The following DTX4 variants were observed in gnomAD, a reference collection of about 807,000 sequenced individuals.
DTX4 encodes deltex E3 ubiquitin ligase 4, also known as E3 ubiquitin-protein ligase DTX4.
In DTX4, 28 loss-of-function variants were observed where a neutral mutation model predicts 57.6. That is an observed-to-expected ratio of 0.49 (90% CI 0.36 to 0.67). DTX4 has a LOEUF of 0.67. DTX4 is among the 30% of genes least tolerant of loss of function. DTX4 has a pLI of 0.00. For synonymous variants in DTX4, 316 were observed against 331.0 expected, an observed-to-expected ratio of 0.95 and a Z score of 0.49; for missense variants, 715 against 836.8, an observed-to-expected ratio of 0.85 and a Z score of 1.80.
chr11:59,195,100 T>G, intron 6 of DTX4, 108 bp from the exon 7 acceptor site: 1 of 1,104,392 alleles, frequency 9.1e-7, no homozygotes, highest in Non-Finnish European at 1.4e-6. Context: ...CTCACCAGGG[T>G]GCATTTTGTT....
At chr11:59,189,073 G>A in intron 3 of DTX4, 89 bp from the exon 4 acceptor site, 1 of 1,476,346 alleles carries the variant, frequency 6.8e-7, no homozygotes, top group South Asian at 1.2e-5. Context: ...CTGGAAAGGA[G>A]GAGAGTAGGT....
At chr11:59,185,508 A>G (rs188092924) in intron 2 of DTX4, among the ~76,000 whole-genome samples, 45 of 152,234 alleles carry the variant, frequency 3.0e-4, no homozygotes, top group Non-Finnish European at 2.9e-5. Flanking sequence ...GTTTTGGCTG[A>G]TGGAGTTGCC....
Position 59,204,759 on chromosome 11 carries a change from C to T in DTX4, c.1710C>T (p.Thr570=), listed in dbSNP as rs759715737. The change falls in exon 9 of 9, where the codon ACC becomes ACT. Residue 570 remains threonine (T), a synonymous_variant. Transcript: ENST00000227451. ...GTSSTTGESD[T]VIWNEVHHKT... is the part of the protein sequence containing the mutation. ...CCAGCACCACAGGCGAGTCAGACAC[C>T]GTCATCTGGAATGAGGTCCACCACA... is the stretch of plus-strand genomic sequence containing the variant. 18 of 1,613,706 alleles carry T rather than the reference C, an allele frequency of 1.1e-5. No individual in the cohort carries two copies. Among genetic ancestry groups the T allele is most frequent in the South Asian group, 8.8e-5 (8 of 90,972 alleles).
Position 59,182,010 on chromosome 11 carries a change from C to T in DTX4, c.483C>T (p.Tyr161=). Residue 161 remains tyrosine, a synonymous_variant, in exon 2 of 9, where the codon TAC becomes TAT. Transcript: ENST00000227451. ...TCCGCCGGCGCCTCGACCTCATCTA[C>T]CCCATGGTCACAGGGACCTTGCCTA... ...RRVRRRLDLI[Y]PMVTGTLPKA... The T allele has an allele frequency of 6.2e-7, 1 of 1,613,844 alleles. No homozygotes were observed. Among genetic ancestry groups the T allele is most frequent in the Non-Finnish European group, 8.5e-7 (1 of 1,179,832 alleles).
rs762367961 is a variant in DTX4 at position 59,199,808 on chromosome 11, T to A, written c.1626+35T>A. On this transcript the variant is annotated intron_variant, in intron 8 of 8. Coordinates refer to ENST00000227451, the MANE Select transcript of DTX4 (RefSeq NM_015177.2). Reference sequence around the variant, plus strand: ...GAAGTTTCCACATAGAACTAGGTTTTAGAATAGATCGGGCAGTTTACTTCT... The same window carrying A: ...GAAGTTTCCACATAGAACTAGGTTTAAGAATAGATCGGGCAGTTTACTTCT... 6.5e-5 allele frequency: 100 copies of A among 1,532,286 alleles called. No homozygotes were observed. In the African/African-American group the frequency reaches 1.2e-3, roughly 18 times the overall value. The allele number at this position is 1,532,286 out of a possible 1,614,324, so 94.9% of individuals were successfully genotyped here.
chr11:59,171,498 A>C (rs572434386), upstream of DTX4: 4 of 152,278 alleles, frequency 2.6e-5, no homozygotes, highest in Non-Finnish European at 5.9e-5. Flanking sequence ...CGTAGGTAAT[A>C]TAAATCCATC....
chr11:59,193,949 C>T (rs146127902), intron 6 of DTX4, among the ~76,000 whole-genome samples: 4 of 152,334 alleles, frequency 2.6e-5, no homozygotes, highest in Non-Finnish European at 4.4e-5. Context: ...ATTTTACACA[C>T]GTTGCTCCCA....
chr11:59,204,533 A>T, intron 8 of DTX4, 143 bp from the exon 9 acceptor site: 1 of 753,216 alleles, frequency 1.3e-6, no homozygotes, highest in Non-Finnish European at 2.2e-6. Flanking sequence ...TCCAAGTCCA[A>T]ATCTCTTTCT....
chr11:59,188,636 G>T (rs1189668150), intron 2 of DTX4, 99 bp from the exon 3 acceptor site: 2 of 978,556 alleles, frequency 2.0e-6, no homozygotes, highest in South Asian at 1.4e-5. Flanking sequence ...CCTGCTGTCT[G>T]CTGTGTTAAG....
intron 6 of DTX4, among the ~76,000 whole-genome samples, chr11:59,193,275 A>G (rs1205055813): frequency 1.3e-5 from 2 of 152,242 alleles, no homozygotes; most frequent in Admixed American, 6.5e-5. Context: ...GATTAAAACT[A>G]TACCTACTTT....
At chr11:59,182,899 A>G (rs1391620771) in intron 2 of DTX4, among the ~76,000 whole-genome samples, 3 of 151,922 alleles carry the variant, frequency 2.0e-5, no homozygotes, top group Non-Finnish European at 4.4e-5. Flanking sequence ...GTGAGCTATT[A>G]TTGTACCACT....
chr11:59,191,707 A>G (rs770845778), intron 5 of DTX4, among the ~76,000 whole-genome samples: 1 of 152,210 alleles, frequency 6.6e-6, no homozygotes, highest in Non-Finnish European at 1.5e-5. Context: ...CATTTATTTA[A>G]ATAGCCGTCC....
intron 1 of DTX4, among the ~76,000 whole-genome samples, chr11:59,173,264 C>A (rs768257818): frequency 3.3e-5 from 5 of 152,206 alleles, no homozygotes; most frequent in Non-Finnish European, 7.3e-5. Flanking sequence ...CGTCCCCTCA[C>A]CCCCGATCTC....
intron 1 of DTX4, among the ~76,000 whole-genome samples, chr11:59,179,940 A>C (rs996446841): frequency 1.1e-4 from 16 of 148,948 alleles, no homozygotes; most frequent in Admixed American, 2.0e-4. Flanking sequence ...ACACACACAC[A>C]CCCTCACACA....
Position 59,206,841 on chromosome 11 carries a change from C to T in DTX4, c.*1932C>T, listed in dbSNP as rs897028621. On this transcript the variant is annotated 3_prime_UTR_variant, in exon 9 of 9. Transcript: ENST00000227451. The stretch of plus-strand genomic sequence containing the variant: ...GAGGGAGCTCTGATGGGAGGAATTG[C>T]TCTGCCATCCTTGTCCCTGTGTCTC... The T allele has an allele frequency of 6.6e-6, 1 of 152,618 alleles. No individual in the cohort carries two copies. Among genetic ancestry groups the T allele is most frequent in the African/African-American group, 2.4e-5 (1 of 41,442 alleles). The allele number at this position is 152,618 out of a possible 1,614,324, so 9.5% of individuals were successfully genotyped here.
rs1350803338 is a variant in DTX4 at position 59,204,532 on chromosome 11, A to T, written c.1627-144A>T. The stretch of plus-strand genomic sequence containing the variant: ...CCTGTAGCTCCCAAACTCCAAGTCC[A>T]AATCTCTTTCTTTCCCCTGGGCTGC... On this transcript the variant is annotated intron_variant, in intron 8 of 8. Transcript: ENST00000227451. The T allele has an allele frequency of 2.9e-5, 22 of 751,270 alleles. 1 individual carries two copies. In the South Asian group the frequency reaches 3.9e-4, roughly 13 times the overall value. 46.5% of individuals were successfully genotyped at this position (751,270 alleles called of 1,614,324 possible).
Position 59,182,351 on chromosome 11 carries a change from C to T in DTX4, c.824C>T (p.Ala275Val), listed in dbSNP as rs762544733. 3.1e-6 allele frequency: 5 copies of T among 1,613,410 alleles called. No individual in the cohort carries two copies. In the Admixed American group the frequency reaches 8.3e-5, roughly 27 times the overall value. Residue 275 changes from alanine (A) to valine (V), a missense_variant, in exon 2 of 9, where the codon GCC becomes GTC. Ala to Val is a moderately conservative substitution (Grantham distance 64). Transcript: ENST00000227451. ...MPTGTTMGSP[A>V]SPPGPNSKTG... is the part of the protein sequence containing the mutation. ...ACTGGGACAACCATGGGCTCTCCTG[C>T]CAGTCCCCCAGGACCCAACAGCAAG... is the stretch of plus-strand genomic sequence containing the variant.
intron 3 of DTX4, 97 bp from the exon 4 acceptor site, chr11:59,189,065 G>A: frequency 7.0e-7 from 1 of 1,434,122 alleles, no homozygotes; most frequent in Non-Finnish European, 9.6e-7. Context: ...ACTTTCTGCT[G>A]GAAAGGAGGA....
At chr11:59,189,068 AAGG>A (rs1862563738) in intron 3 of DTX4, 91 bp from the exon 4 acceptor site, 6 of 1,451,046 alleles carry the variant, frequency 4.1e-6, no homozygotes, top group Middle Eastern at 2.4e-4. Context: ...TTCTGCTGGA[AAGG>A]AGGAGAGTAG....
Sources: gnomAD v4.1 joint callset for allele counts (sites outside exome capture counted in the v4.1 genomes callset) on GRCh38, gnomAD v4.1.1 for gene constraint, MANE v1.5 for transcripts, NCBI Gene and HGNC (gene_info 2026-07-23, HGNC 2026-07-21) for gene names.